The following MARK4 variants were observed in gnomAD, a reference collection of about 807,000 sequenced individuals.
MARK4 encodes MAP/microtubule affinity-regulating kinase 4.
Under a neutral mutation model 81.5 loss-of-function variants are expected in MARK4, and 19 were observed. That is an observed-to-expected ratio of 0.23 (90% CI 0.16 to 0.34). The LOEUF (loss-of-function observed/expected upper bound fraction) is 0.34, where lower values mean the gene tolerates loss of function less well. Ranked by LOEUF, MARK4 falls within the 10% of genes least tolerant of loss-of-function variation. The pLI, the probability that MARK4 is intolerant of heterozygous loss-of-function variation, is 1.00. For missense variants in MARK4, 772 were observed against 1,058.8 expected, an observed-to-expected ratio of 0.73 and a Z score of 3.76; for synonymous variants, 436 against 439.0, an observed-to-expected ratio of 0.99 and a Z score of 0.08.
intron 12 of MARK4, among the ~76,000 whole-genome samples, chr19:45,284,507 A>G (rs1173732795): frequency 7.9e-5 from 12 of 151,798 alleles, no homozygotes; most frequent in Non-Finnish European, 1.5e-5. Context: ...TATTTTTAGT[A>G]GAGATGGGGT....
At chr19:45,280,525 G>A in intron 11 of MARK4, 42 bp downstream of exon 11, 1 of 1,614,098 alleles carries the variant, frequency 6.2e-7, no homozygotes, top group Non-Finnish European at 8.5e-7. Context: ...GTGATGCCTG[G>A]GTGGAGGGAC....
chr19:45,295,922 A>G (rs1423996571), intron 14 of MARK4, among the ~76,000 whole-genome samples: 1 of 152,192 alleles, frequency 6.6e-6, no homozygotes, highest in African/African-American at 2.4e-5. Flanking sequence ...TTTGGTGGTT[A>G]TCAAATAACA....
chr19:45,298,038 G>C (rs1431868167), intron 15 of MARK4, 84 bp downstream of exon 15: 2 of 1,551,974 alleles, frequency 1.3e-6, no homozygotes, highest in Non-Finnish European at 1.8e-6. Flanking sequence ...TCTGTCTCCT[G>C]TACCCCAACA....
intron 1 of MARK4, among the ~76,000 whole-genome samples, chr19:45,257,777 C>T (rs931928322): frequency 1.3e-5 from 2 of 151,464 alleles, no homozygotes; most frequent in African/African-American, 2.4e-5. Flanking sequence ...GCAAGCTCCA[C>T]CTCCTGGGTT....
At chr19:45,301,895 G>T (rs796543495) in intron 16 of MARK4, among the ~76,000 whole-genome samples, 2 of 142,916 alleles carry the variant, frequency 1.4e-5, no homozygotes, top group Non-Finnish European at 1.6e-5. Flanking sequence ...AAAGGAAAAA[G>T]AAATTTCTCA....
intron 6 of MARK4, 89 bp downstream of exon 6, chr19:45,264,999 G>A (rs866598034): frequency 5.3e-6 from 7 of 1,323,430 alleles, no homozygotes; most frequent in Non-Finnish European, 6.5e-6. Context: ...GCTGTCCAGC[G>A]ACCTGGGGGC....
At chr19:45,269,102 C>T (rs1010945728) in intron 7 of MARK4, among the ~76,000 whole-genome samples, 5 of 152,178 alleles carry the variant, frequency 3.3e-5, no homozygotes, top group South Asian at 2.1e-4. Flanking sequence ...CCTGGCCTGG[C>T]GTGACGGCTC....
intron 12 of MARK4, among the ~76,000 whole-genome samples, chr19:45,283,409 CAAAAAAA>C (rs869039919): frequency 0.2 from 17,238 of 86,042 alleles, 1,560 homozygotes; most frequent in African/African-American, 0.39. Flanking sequence ...GACTTCCTCT[CAAAAAAA>C]AAAAAAAAAA....
At chr19:45,272,521 G>C (rs180741783) in intron 8 of MARK4, among the ~76,000 whole-genome samples, 41 of 152,262 alleles carry the variant, frequency 2.7e-4, no homozygotes, top group South Asian at 1.2e-3. Flanking sequence ...CTGAGGCTGG[G>C]GGGGAGGAGC....
At chr19:45,300,220 C>G (rs1277997115) in intron 16 of MARK4, among the ~76,000 whole-genome samples, 2 of 152,072 alleles carry the variant, frequency 1.3e-5, no homozygotes, top group African/African-American at 4.8e-5. Context: ...TGGCGCATGC[C>G]TGTAATCCCA....
At chr19:45,263,492 A>C in intron 4 of MARK4, 125 bp downstream of exon 4, 2 of 1,225,634 alleles carry the variant, frequency 1.6e-6, no homozygotes, top group Non-Finnish European at 2.4e-6. Context: ...CTGTAATCCC[A>C]GCACTTAGGG....
intron 12 of MARK4, among the ~76,000 whole-genome samples, chr19:45,285,535 C>T (rs1970731864): frequency 6.6e-6 from 1 of 152,214 alleles, no homozygotes; most frequent in Non-Finnish European, 1.5e-5. Flanking sequence ...TGCCCTACCC[C>T]CACCATTGCT....
intron 16 of MARK4, among the ~76,000 whole-genome samples, chr19:45,301,021 G>C (rs1171701114): frequency 6.6e-6 from 1 of 152,108 alleles, no homozygotes; most frequent in Non-Finnish European, 1.5e-5. Flanking sequence ...TTGTTGTGCA[G>C]GGCCCTCTTG....
rs115785076 is a variant in MARK4, at chr19:45,270,164, G to C, written c.550-1308G>C. Among the ~76,000 whole-genome samples the C allele has an allele frequency of 9.9e-3, 1,501 of 152,244 alleles. 26 individuals are homozygous for C. The highest frequency in any genetic ancestry group is 0.034 in the African/African-American group (1,416 of 41,546). On this transcript the variant is annotated intron_variant, in intron 7 of 16. Coordinates refer to ENST00000262891, the MANE Select transcript of MARK4 (RefSeq NM_001199867.2). ...ACTGATCACTGACTGTGCTCTAGGGGCCGCTGTGAGCACTTTACGCTTAAA... is the reference window on the plus strand; with the variant it reads ...ACTGATCACTGACTGTGCTCTAGGGCCCGCTGTGAGCACTTTACGCTTAAA...
At position 45,287,914 on chromosome 19, in the gene MARK4, GGATTTAATA is replaced by G. The variant is rs1970768024; in HGVS notation, c.1494+251_1494+259del. ...GTGCAGAACGTACTCTTGGCAGAAAGGATTTAATACAGGAAATTAAGTGCTTTTAAAAAT... is the reference window on the plus strand; with the variant it reads ...GTGCAGAACGTACTCTTGGCAGAAAGCAGGAAATTAAGTGCTTTTAAAAAT... On this transcript the variant is annotated intron_variant, in intron 13 of 16. Transcript: ENST00000262891. The G allele has an allele frequency of 1.9e-5, 11 of 571,282 alleles. No homozygotes were observed. In the Middle Eastern group the frequency reaches 1.1e-3, roughly 56 times the overall value. 35.4% of individuals were successfully genotyped at this position (571,282 alleles called of 1,614,324 possible).
At chr19:45,264,549 T>A in intron 4 of MARK4, 135 bp from the exon 5 acceptor site, 1 of 808,526 alleles carries the variant, frequency 1.2e-6, no homozygotes, top group Non-Finnish European at 2.0e-6. Context: ...TTGGAAAATC[T>A]TGCTGTCAGT....
At position 45,251,588 on chromosome 19, in the gene MARK4, G is replaced by A. The variant is rs1164242957; in HGVS notation, c.-1G>A. 1.7e-6 allele frequency: 2 copies of A among 1,176,518 alleles called. No individual in the cohort carries two copies. Among genetic ancestry groups the A allele is most frequent in the Non-Finnish European group, 2.1e-6 (2 of 938,762 alleles). The allele number at this position is 1,176,518 out of a possible 1,614,324, so 72.9% of individuals were successfully genotyped here. On this transcript the variant is annotated 5_prime_UTR_variant, in exon 1 of 17. Coordinates refer to ENST00000262891, the MANE Select transcript of MARK4 (RefSeq NM_001199867.2). ...CCCCTGCCCCCCGGGACCCGGAGAA[G>A]ATGTCTTCGCGGACGGTGCTGGCCC...
rs542449586 is a variant in MARK4 at position 45,261,304 on chromosome 19, A to G, written c.253-1809A>G. ...GTGAACATAGGTATAAAAATCTTATACAAAATATTAACAAACAGAACCTGG... is the reference window on the plus strand; with the variant it reads ...GTGAACATAGGTATAAAAATCTTATGCAAAATATTAACAAACAGAACCTGG... On this transcript the variant is annotated intron_variant, in intron 2 of 16. Coordinates refer to ENST00000262891, the MANE Select transcript of MARK4 (RefSeq NM_001199867.2). Among the ~76,000 whole-genome samples, 152 of 152,324 alleles carry G rather than the reference A, an allele frequency of 1.0e-3. 1 individual carries two copies. The highest frequency in any genetic ancestry group is 1.8e-3 in the Non-Finnish European group (121 of 68,024).
At chr19:45,277,729 T>C (rs1279539477) in intron 8 of MARK4, among the ~76,000 whole-genome samples, 194 bp from the exon 9 acceptor site, 1 of 151,876 alleles carries the variant, frequency 6.6e-6, no homozygotes, top group Non-Finnish European at 1.5e-5. Flanking sequence ...GACAGGGAAC[T>C]GAGGTCAGGA....
Sources: allele counts gnomAD v4.1 joint callset (sites outside exome capture counted in the v4.1 genomes callset), GRCh38; gene constraint gnomAD v4.1.1; transcripts MANE v1.5; gene names NCBI Gene and HGNC (gene_info 2026-07-23, HGNC 2026-07-21).